The following CHST11 variants were observed in gnomAD, a reference collection of about 807,000 sequenced individuals.
CHST11 encodes carbohydrate sulfotransferase 11, also known as C4S-1.
A neutral mutation model predicts 30.4 loss-of-function variants in CHST11; 9 were observed. That is an observed-to-expected ratio of 0.30 (90% CI 0.18 to 0.52). CHST11 has a LOEUF of 0.52. Among genes scored for constraint, CHST11 ranks in the 20% least tolerant of loss-of-function variants. CHST11 has a pLI of 0.97. For synonymous variants in CHST11, 152 were observed against 187.8 expected (o/e 0.81, Z 1.56); for missense variants, 348 against 460.6 (o/e 0.76, Z 2.24).
chr12:104,602,020 G>T, intron 2 of CHST11, 29 bp downstream of exon 2: 1 of 1,427,070 alleles, frequency 7.0e-7, no homozygotes, highest in Non-Finnish European at 9.4e-7. Context: ...GTCAGCATGT[G>T]AATTTTTTTT....
chr12:104,626,797 G>T (rs117593940), intron 2 of CHST11, among the ~76,000 whole-genome samples: 1 of 151,654 alleles, frequency 6.6e-6, no homozygotes, highest in Admixed American at 6.6e-5. Flanking sequence ...GGCCTCCCCC[G>T]TCATCAGCAT....
chr12:104,459,935 A>C (rs966988246), intron 1 of CHST11, among the ~76,000 whole-genome samples: 1 of 152,246 alleles, frequency 6.6e-6, no homozygotes, highest in Admixed American at 6.5e-5. Context: ...CTTATTTCAG[A>C]TTACTTACAG....
intron 1 of CHST11, among the ~76,000 whole-genome samples, chr12:104,584,280 A>G (rs1369058150): frequency 7.5e-6 from 1 of 133,966 alleles, no homozygotes; most frequent in Non-Finnish European, 1.6e-5. Flanking sequence ...TTTTTTTCAC[A>G]GCGTCTTACT....
chr12:104,512,779 G>C (rs2037978094), intron 1 of CHST11, among the ~76,000 whole-genome samples: 1 of 152,102 alleles, frequency 6.6e-6, no homozygotes, highest in Non-Finnish European at 1.5e-5. Flanking sequence ...TGGAGATAGA[G>C]TAAACCAAAT....
Position 104,689,821 on chromosome 12 carries a change from T to C in CHST11, c.205-67128T>C, listed in dbSNP as rs867640800. On this transcript the variant is annotated intron_variant, in intron 2 of 2. Transcript: ENST00000303694. ...CCTCTCTCCTTCCCCCTCCCAATACTGTCCCCAGCTCTGCCCCTGGATGCT... is the reference window on the plus strand; with the variant it reads ...CCTCTCTCCTTCCCCCTCCCAATACCGTCCCCAGCTCTGCCCCTGGATGCT... 6.6e-5 allele frequency among the ~76,000 whole-genome samples: 10 copies of C among 152,212 alleles called. No individual in the cohort carries two copies. In the Middle Eastern group the frequency reaches 0.01, roughly 155 times the overall value.
intron 1 of CHST11, among the ~76,000 whole-genome samples, chr12:104,492,908 C>T (rs2037761291): frequency 6.6e-6 from 1 of 152,090 alleles, no homozygotes; most frequent in South Asian, 2.1e-4. Context: ...TGGTGTCCAC[C>T]TGTAATCCTA....
intron 1 of CHST11, among the ~76,000 whole-genome samples, chr12:104,491,334 A>G (rs1041426153): frequency 6.6e-6 from 1 of 152,218 alleles, no homozygotes; most frequent in African/African-American, 2.4e-5. Flanking sequence ...GCAAGAGTGT[A>G]TAAGTAAAAT....
chr12:104,756,532 G>GGGGTGTGTGTGTGTGTGTGTGTGT (rs1555250374), intron 2 of CHST11, among the ~76,000 whole-genome samples: 1 of 143,292 alleles, frequency 7.0e-6, no homozygotes, highest in Non-Finnish European at 1.5e-5. Flanking sequence ...ATCCATGTGG[G>GGGGTGTGTGTGTGTGTGTGTGTGT]GTGTGTGTGT....
intron 1 of CHST11, among the ~76,000 whole-genome samples, chr12:104,549,889 A>G (rs2038389292): frequency 6.6e-6 from 1 of 152,218 alleles, no homozygotes; most frequent in Admixed American, 6.5e-5. Context: ...CCTGGGCGAC[A>G]GAGTGAGACC....
chr12:104,661,385 T>TCTACTA (rs547139030), intron 2 of CHST11, among the ~76,000 whole-genome samples: 4 of 151,896 alleles, frequency 2.6e-5, no homozygotes, highest in Admixed American at 1.3e-4. Context: ...ATACCCCATC[T>TCTACTA]CTACTACTAC....
intron 1 of CHST11, among the ~76,000 whole-genome samples, chr12:104,571,201 T>C (rs1179089529): frequency 6.6e-6 from 1 of 151,338 alleles, no homozygotes; most frequent in African/African-American, 2.4e-5. Context: ...TTTGCTCTTA[T>C]TGCCCAGGCT....
intron 1 of CHST11, among the ~76,000 whole-genome samples, chr12:104,516,039 T>G (rs2038019414): frequency 6.6e-6 from 1 of 152,244 alleles, no homozygotes; most frequent in Admixed American, 6.5e-5. Flanking sequence ...GACCATGTAG[T>G]GCAGTGGTTA....
At chr12:104,680,606 T>G (rs1370264108) in intron 2 of CHST11, among the ~76,000 whole-genome samples, 1 of 152,202 alleles carries the variant, frequency 6.6e-6, no homozygotes, top group African/African-American at 2.4e-5. Context: ...TTCTGCTTAT[T>G]GGGTCAGTGA....
chr12:104,668,446 C>T (rs1028742208), intron 2 of CHST11, among the ~76,000 whole-genome samples: 1 of 152,142 alleles, frequency 6.6e-6, no homozygotes, highest in Non-Finnish European at 1.5e-5. Flanking sequence ...TGCGTTGGGA[C>T]GTCAGCTGGG....
At chr12:104,527,180 A>T (rs1020577167) in intron 1 of CHST11, among the ~76,000 whole-genome samples, 1 of 152,222 alleles carries the variant, frequency 6.6e-6, no homozygotes, top group Admixed American at 6.5e-5. Context: ...ATTAGGGTGG[A>T]TACTAATCCA....
At chr12:104,502,024 CT>C (rs1346426900) in intron 1 of CHST11, among the ~76,000 whole-genome samples, 1 of 138,998 alleles carries the variant, frequency 7.2e-6, no homozygotes, top group Admixed American at 7.6e-5. Flanking sequence ...CTTATTTCTT[CT>C]TTTTTACTTT....
At chr12:104,752,692 TA>T (rs778717608) in intron 2 of CHST11, among the ~76,000 whole-genome samples, 10 of 152,092 alleles carry the variant, frequency 6.6e-5, no homozygotes, top group Non-Finnish European at 1.3e-4. Flanking sequence ...CACGCCCAGC[TA>T]ATTTTTTGTA....
chr12:104,465,510 C>G (rs1010357587), intron 1 of CHST11, among the ~76,000 whole-genome samples: 1 of 152,200 alleles, frequency 6.6e-6, no homozygotes, highest in African/African-American at 2.4e-5. Context: ...TGTCATTTCT[C>G]TTTTCTGGCC....
At chr12:104,648,256 A>G (rs917241157) in intron 2 of CHST11, among the ~76,000 whole-genome samples, 1 of 152,124 alleles carries the variant, frequency 6.6e-6, no homozygotes, top group Non-Finnish European at 1.5e-5. Context: ...CATTCCCGAA[A>G]ACCTTAGGTA....
Sources: gnomAD v4.1 joint callset for allele counts (sites outside exome capture counted in the v4.1 genomes callset) on GRCh38, gnomAD v4.1.1 for gene constraint, MANE v1.5 for transcripts, NCBI Gene and HGNC (gene_info 2026-07-23, HGNC 2026-07-21) for gene names.